Variants in ARNT2 observed in about 807,000 individuals in gnomAD.
ARNT2 encodes ARNT protein 2.
ARNT2 carries 36 observed loss-of-function variants against 91.7 expected under a neutral mutation model. That is an observed-to-expected ratio of 0.39 (90% CI 0.30 to 0.52). ARNT2 has a LOEUF of 0.52. Among genes scored for constraint, ARNT2 ranks in the 20% least tolerant of loss-of-function variants. ARNT2 has a pLI of 0.72. For missense variants in ARNT2, 775 were observed against 939.3 expected, an observed-to-expected ratio of 0.83 and a Z score of 2.29; for synonymous variants, 365 against 347.1, an observed-to-expected ratio of 1.05 and a Z score of -0.57.
intron 8 of ARNT2, among the ~76,000 whole-genome samples, chr15:80,521,133 T>C (rs1032701286): frequency 2.0e-5 from 3 of 152,200 alleles, no homozygotes; most frequent in Non-Finnish European, 4.4e-5. Flanking sequence ...TTTACTGAGA[T>C]AGACAATTCT....
chr15:80,405,694 C>G (rs1895589923), intron 1 of ARNT2, among the ~76,000 whole-genome samples: 1 of 152,106 alleles, frequency 6.6e-6, no homozygotes, highest in African/African-American at 2.4e-5. Context: ...AGTGGACTTG[C>G]TCTAAGCAAG....
intron 1 of ARNT2, among the ~76,000 whole-genome samples, chr15:80,416,147 C>T (rs183632638): frequency 1.4e-4 from 21 of 152,228 alleles, no homozygotes; most frequent in African/African-American, 5.1e-4. Context: ...GTGTCCATCA[C>T]AAGGTTTTGT....
At chr15:80,508,293 T>C in intron 6 of ARNT2, 35 bp downstream of exon 6, 2 of 1,606,402 alleles carry the variant, frequency 1.2e-6, no homozygotes, top group Non-Finnish European at 1.7e-6. Flanking sequence ...CATCAGGTGG[T>C]TGGTTTGCTC....
rs1893390567 is a variant in ARNT2 at position 80,597,337 on chromosome 15, GA to G, written c.*3641del. ...AAGCCAGTGACCGGAACAGCTCTAG[GA>G]ATAACAAGTCAGAATAGAAGTGTCC... On this transcript the variant is annotated 3_prime_UTR_variant, in exon 19 of 19. Transcript: ENST00000303329. 1 of 518,228 alleles carries G rather than the reference GA, an allele frequency of 1.9e-6. No individual in the cohort carries two copies. Among genetic ancestry groups the G allele is most frequent in the Non-Finnish European group, 3.9e-6 (1 of 259,708 alleles). 32.1% of individuals were successfully genotyped at this position (518,228 alleles called of 1,614,324 possible). A position where few individuals can be genotyped will look rare whatever the true frequency, so the allele number is the denominator to read the frequency against.
At chr15:80,507,560 G>T (rs1251286049) in intron 5 of ARNT2, among the ~76,000 whole-genome samples, 5 of 152,168 alleles carry the variant, frequency 3.3e-5, no homozygotes. Flanking sequence ...TAGAGGTGTA[G>T]ATATAGTACG....
rs139371569 is a variant in ARNT2, at chr15:80,574,644, G to A, written c.1390-343G>A. On this transcript the variant is annotated intron_variant, in intron 13 of 18. Transcript: ENST00000303329. Reference sequence around the variant, plus strand: ...CATGCTCTGAGCCTCCCTCTTCACCGGCTCTGTCTCCTTTCCTTCTCCTAT... The same window carrying A: ...CATGCTCTGAGCCTCCCTCTTCACCAGCTCTGTCTCCTTTCCTTCTCCTAT... 1.1e-3 allele frequency among the ~76,000 whole-genome samples: 165 copies of A among 152,176 alleles called. 1 individual carries two copies. The highest frequency in any genetic ancestry group is 2.3e-3 in the South Asian group (11 of 4,808).
chr15:80,554,844 G>A, intron 10 of ARNT2: 1 of 478,706 alleles, frequency 2.1e-6, no homozygotes, highest in Non-Finnish European at 3.7e-6. Context: ...AATTAGAAAT[G>A]GATATTGAGC....
chr15:80,410,261 T>C (rs1235983735), intron 1 of ARNT2, among the ~76,000 whole-genome samples: 1 of 152,170 alleles, frequency 6.6e-6, no homozygotes, highest in Non-Finnish European at 1.5e-5. Context: ...TACTTCCCTG[T>C]CCATCCCTTG....
chr15:80,445,365 A>G (rs1471176145), intron 1 of ARNT2, among the ~76,000 whole-genome samples: 4 of 135,568 alleles, frequency 3.0e-5, no homozygotes, highest in African/African-American at 8.5e-5. Flanking sequence ...TGAGTGGTGT[A>G]TGTGGAGTGT....
intron 11 of ARNT2, chr15:80,556,381 G>A (rs996053419): frequency 2.6e-5 from 4 of 152,242 alleles, no homozygotes; most frequent in African/African-American, 7.2e-5. Flanking sequence ...CACTTTAGTA[G>A]CCCAGGTTTG....
chr15:80,433,942 C>G (rs1443108344), intron 1 of ARNT2: 1 of 152,284 alleles, frequency 6.6e-6, no homozygotes, highest in Non-Finnish European at 1.5e-5. Flanking sequence ...TCTTCTTGGC[C>G]TTGCTGAACG....
At chr15:80,487,869 T>G (rs1010583125) in intron 5 of ARNT2, 1 of 152,220 alleles carries the variant, frequency 6.6e-6, no homozygotes, top group East Asian at 1.9e-4. Context: ...GGATTTTCCA[T>G]GCATGGTAAA....
intron 1 of ARNT2, among the ~76,000 whole-genome samples, chr15:80,446,751 A>T (rs1053793654): frequency 3.6e-5 from 4 of 111,654 alleles, no homozygotes; most frequent in Admixed American, 2.6e-4. Flanking sequence ...AAACACAGTC[A>T]GTACCCAACA....
At chr15:80,432,186 C>T (rs1896020985) in intron 1 of ARNT2, among the ~76,000 whole-genome samples, 1 of 152,210 alleles carries the variant, frequency 6.6e-6, no homozygotes, top group Non-Finnish European at 1.5e-5. Flanking sequence ...TGAAATAGTG[C>T]ACCCGCACCA....
In ARNT2 at chr15:80,476,046, C is replaced by T. The variant is rs560573590; in HGVS notation, c.622+823C>T. ...TGTCAGATAAAAGCAAAAATAAAAA[C>T]CTATTATAAATGGTAGCACAGCTTT... On this transcript the variant is annotated intron_variant, in intron 5 of 18. Transcript: ENST00000303329. Among the ~76,000 whole-genome samples, 4 of 152,232 alleles carry T rather than the reference C, an allele frequency of 2.6e-5. No individual in the cohort carries two copies. In the South Asian group the frequency reaches 8.3e-4, roughly 32 times the overall value.
chr15:80,406,098 G>A (rs1895597998), intron 1 of ARNT2, among the ~76,000 whole-genome samples: 1 of 152,184 alleles, frequency 6.6e-6, no homozygotes. Flanking sequence ...GACCAGAGAG[G>A]AAGGAATGCA....
intron 1 of ARNT2, among the ~76,000 whole-genome samples, chr15:80,431,220 C>T (rs561137197): frequency 8.5e-5 from 13 of 152,186 alleles, no homozygotes; most frequent in Admixed American, 4.6e-4. Context: ...GTGAACAGCA[C>T]GCCCCCTCTG....
chr15:80,458,878 G>C (rs74742853), intron 3 of ARNT2, among the ~76,000 whole-genome samples: 12,460 of 152,148 alleles, frequency 0.082, 767 homozygotes, highest in African/African-American at 0.17. Context: ...CATGGGTGAC[G>C]GTTGCTTTTC....
At position 80,597,203 on chromosome 15, in the gene ARNT2, T is replaced by A; in HGVS notation, c.*3505T>A. ...AAAGAAACCAGTCCCAGGGAATGAA[T>A]GGTGGTCTCCCCACTCCCGGCAGCA... On this transcript the variant is annotated 3_prime_UTR_variant, in exon 19 of 19. Coordinates refer to ENST00000303329, the MANE Select transcript of ARNT2 (RefSeq NM_014862.4). 1.9e-6 allele frequency: 1 copy of A among 518,558 alleles called. No individual in the cohort carries two copies. Among genetic ancestry groups the A allele is most frequent in the South Asian group, 1.4e-5 (1 of 71,462 alleles). The allele number at this position is 518,558 out of a possible 1,614,324, so 32.1% of individuals were successfully genotyped here. A position where few individuals can be genotyped will look rare whatever the true frequency, so the allele number is the denominator to read the frequency against.
Sources: allele counts gnomAD v4.1 joint callset (sites outside exome capture counted in the v4.1 genomes callset), GRCh38; gene constraint gnomAD v4.1.1; transcripts MANE v1.5; gene names NCBI Gene and HGNC (gene_info 2026-07-23, HGNC 2026-07-21).